Variants in CSMD1 observed in about 807,000 individuals in gnomAD.
The protein encoded by CSMD1 is CUB and Sushi multiple domains 1.
Under a neutral mutation model 417.5 loss-of-function variants are expected in CSMD1, and 213 were observed. The observed-to-expected ratio is 0.51, with a 90% CI of 0.46 to 0.57. The LOEUF (loss-of-function observed/expected upper bound fraction) is 0.57. Among genes scored for constraint, CSMD1 ranks in the 20% least tolerant of loss-of-function variants. The pLI is 0.00. For missense variants in CSMD1, 6,923 were observed against 4,529.7 expected, an observed-to-expected ratio of 1.53 and a Z score of -15.17; for synonymous variants, 2,862 against 1,736.8, an observed-to-expected ratio of 1.65 and a Z score of -16.11.
chr8:3,324,419 G>C (rs1806377443), intron 23 of CSMD1, among the ~76,000 whole-genome samples: 2 of 135,222 alleles, frequency 1.5e-5, no homozygotes, highest in South Asian at 4.9e-4. Flanking sequence ...TGTTAAAATA[G>C]GCCCACACCT....
chr8:4,583,584 G>C (rs754229769), intron 2 of CSMD1, among the ~76,000 whole-genome samples: 3 of 152,188 alleles, frequency 2.0e-5, no homozygotes, highest in South Asian at 2.1e-4. Flanking sequence ...CTCAAGGTTT[G>C]TGAGTGCACC....
intron 5 of CSMD1, among the ~76,000 whole-genome samples, chr8:3,953,777 C>G (rs1018883357): frequency 2.0e-5 from 3 of 152,116 alleles, no homozygotes; most frequent in African/African-American, 7.2e-5. Flanking sequence ...AGCTTATCCA[C>G]AAGCCCCGCA....
chr8:3,086,670 C>G (rs193291946), intron 49 of CSMD1, among the ~76,000 whole-genome samples: 60 of 152,242 alleles, frequency 3.9e-4, no homozygotes, highest in Admixed American at 1.3e-3. Flanking sequence ...TTAACAAGCT[C>G]TAGATTTAAA....
intron 3 of CSMD1, among the ~76,000 whole-genome samples, chr8:4,388,337 C>A (rs1443692466): frequency 1.3e-5 from 2 of 151,400 alleles, no homozygotes; most frequent in African/African-American, 4.9e-5. Flanking sequence ...CACACACACA[C>A]ACACACACGA....
chr8:3,120,639 G>C (rs1239014026), intron 41 of CSMD1, among the ~76,000 whole-genome samples: 1 of 151,938 alleles, frequency 6.6e-6, no homozygotes, highest in African/African-American at 2.4e-5. Flanking sequence ...ACAAGGTCAA[G>C]AGATTGAGAC....
At chr8:3,460,691 A>C (rs1290806877) in intron 12 of CSMD1, among the ~76,000 whole-genome samples, 1 of 152,240 alleles carries the variant, frequency 6.6e-6, no homozygotes, top group South Asian at 2.1e-4. Flanking sequence ...GAACAGGATC[A>C]TAAACCACCA....
At chr8:4,051,570 C>G (rs369851659) in intron 3 of CSMD1, among the ~76,000 whole-genome samples, 1 of 152,184 alleles carries the variant, frequency 6.6e-6, no homozygotes, top group African/African-American at 2.4e-5. Flanking sequence ...TCAAGCAAAC[C>G]TCTGTCAACG....
At chr8:4,261,032 T>C (rs948025710) in intron 3 of CSMD1, among the ~76,000 whole-genome samples, 23 of 152,222 alleles carry the variant, frequency 1.5e-4, no homozygotes, top group African/African-American at 5.3e-4. Flanking sequence ...AGACATCACT[T>C]ACTATGCTTT....
chr8:4,047,872 A>T (rs1387651321), intron 3 of CSMD1, among the ~76,000 whole-genome samples: 1 of 152,178 alleles, frequency 6.6e-6, no homozygotes, highest in South Asian at 2.1e-4. Context: ...TCTAATAATA[A>T]TATTTACATC....
At chr8:4,935,288 C>T (rs552253160) in intron 1 of CSMD1, among the ~76,000 whole-genome samples, 1 of 152,288 alleles carries the variant, frequency 6.6e-6, no homozygotes, top group South Asian at 2.1e-4. Context: ...AAATTGTTCC[C>T]CATGACTGAG....
At chr8:4,886,750 TA>T (rs565116669) in intron 1 of CSMD1, among the ~76,000 whole-genome samples, 86 of 152,146 alleles carry the variant, frequency 5.7e-4, no homozygotes, top group African/African-American at 1.9e-3. Flanking sequence ...CTAGGACTTC[TA>T]AAAAAATTTA....
intron 2 of CSMD1, among the ~76,000 whole-genome samples, chr8:4,544,643 G>C (rs1042764529): frequency 6.6e-6 from 1 of 152,092 alleles, no homozygotes; most frequent in African/African-American, 2.4e-5. Context: ...AACTATAGTT[G>C]GTAAGATGCA....
intron 3 of CSMD1, among the ~76,000 whole-genome samples, chr8:4,139,741 C>T (rs1459628087): frequency 1.3e-5 from 2 of 151,070 alleles, no homozygotes; most frequent in Non-Finnish European, 2.9e-5. Context: ...TAGATGAGTA[C>T]AAAGAACCCA....
chr8:3,371,742 C>A lies in CSMD1; in HGVS notation c.2783-2372G>T, dbSNP rs17065985. Among the ~76,000 whole-genome samples the A allele has an allele frequency of 5.3e-4, 80 of 152,160 alleles. No individual in the cohort carries two copies. In the East Asian group the frequency reaches 0.014, roughly 27 times the overall value. ...AGGGAACAAATCATCTCCTTTAATA[C>A]GTAAACCTCATGGGAAGCATGATAT... On this transcript the variant is annotated intron_variant, in intron 18 of 69. Coordinates refer to ENST00000635120, the MANE Select transcript of CSMD1 (RefSeq NM_033225.6).
chr8:3,277,869 A>G (rs1417403805), intron 26 of CSMD1, among the ~76,000 whole-genome samples: 1 of 152,198 alleles, frequency 6.6e-6, no homozygotes, highest in African/African-American at 2.4e-5. Flanking sequence ...TGGAATTGCC[A>G]ACATTCCATC....
intron 3 of CSMD1, among the ~76,000 whole-genome samples, chr8:4,281,550 T>C (rs965882103): frequency 6.6e-6 from 1 of 152,218 alleles, no homozygotes; most frequent in African/African-American, 2.4e-5. Context: ...CTTTAAAATG[T>C]TGTGACAAAT....
chr8:3,881,046 C>T (rs11986531), intron 5 of CSMD1, among the ~76,000 whole-genome samples: 1 of 151,948 alleles, frequency 6.6e-6, no homozygotes, highest in South Asian at 2.1e-4. Context: ...CCTCAACTAT[C>T]TATGAGTGAA....
chr8:4,453,215 A>G (rs5000533), intron 2 of CSMD1, among the ~76,000 whole-genome samples: 17,391 of 116,230 alleles, frequency 0.15, 1,167 homozygotes, highest in South Asian at 0.27. Context: ...ACACACACAG[A>G]GACACACACA....
intron 4 of CSMD1, among the ~76,000 whole-genome samples, chr8:4,007,857 G>C (rs570529356): frequency 4.6e-5 from 7 of 152,180 alleles, no homozygotes; most frequent in South Asian, 2.1e-4. Flanking sequence ...AAGAAGAAAA[G>C]TTTATTTAGT....
Sources: allele counts gnomAD v4.1 joint callset (sites outside exome capture counted in the v4.1 genomes callset), GRCh38; gene constraint gnomAD v4.1.1; transcripts MANE v1.5; gene names NCBI Gene and HGNC (gene_info 2026-07-23, HGNC 2026-07-21).